RNF150: variants seen among roughly 807,000 people sequenced by gnomAD.
The protein encoded by RNF150 is ring finger protein 150.
A neutral mutation model predicts 39.3 loss-of-function variants in RNF150; 24 were observed. That is an observed-to-expected ratio of 0.61 (90% CI 0.44 to 0.86). The LOEUF (loss-of-function observed/expected upper bound fraction) is 0.86. RNF150 is among the 40% of genes least tolerant of loss of function. RNF150 has a pLI of 0.00. For synonymous variants in RNF150, 255 were observed against 227.3 expected (o/e 1.12, Z -1.10); for missense variants, 502 against 587.8 (o/e 0.85, Z 1.51).
chr4:141,140,510 AT>A, intron 1 of RNF150, among the ~76,000 whole-genome samples: 1 of 151,946 alleles, frequency 6.6e-6, no homozygotes, highest in East Asian at 1.9e-4. Flanking sequence ...TTTTCTTCTT[AT>A]TTTTTCACAT....
At chr4:141,101,790 T>C (rs1292052073) in intron 1 of RNF150, among the ~76,000 whole-genome samples, 1 of 152,104 alleles carries the variant, frequency 6.6e-6, no homozygotes, top group Non-Finnish European at 1.5e-5. Context: ...TTTATTTATT[T>C]ATTTATTTTG....
At chr4:141,091,928 G>C (rs909718687) in intron 1 of RNF150, among the ~76,000 whole-genome samples, 1 of 152,170 alleles carries the variant, frequency 6.6e-6, no homozygotes, top group African/African-American at 2.4e-5. Flanking sequence ...GTGCCAAACA[G>C]AGATACACAA....
intron 1 of RNF150, among the ~76,000 whole-genome samples, chr4:141,067,951 CTT>C (rs59761096): frequency 3.0e-4 from 43 of 145,742 alleles, no homozygotes; most frequent in Admixed American, 1.0e-3. Context: ...AGTCAAGATA[CTT>C]TTTTTTTTTT....
At chr4:140,930,093 G>A (rs778750091) in intron 4 of RNF150, among the ~76,000 whole-genome samples, 1 of 151,170 alleles carries the variant, frequency 6.6e-6, no homozygotes, top group Non-Finnish European at 1.5e-5. Context: ...CCTGGGAGGT[G>A]GAGGTTGCAG....
intron 6 of RNF150, among the ~76,000 whole-genome samples, chr4:140,900,773 A>G (rs756517529): frequency 5.3e-5 from 8 of 152,064 alleles, no homozygotes; most frequent in Non-Finnish European, 1.2e-4. Flanking sequence ...GTGGGGAGAG[A>G]AGTAACATTT....
At chr4:141,042,264 G>A (rs1423731705) in intron 1 of RNF150, among the ~76,000 whole-genome samples, 2 of 152,058 alleles carry the variant, frequency 1.3e-5, no homozygotes, top group Non-Finnish European at 1.5e-5. Context: ...TATAAAATGT[G>A]AGACTCGTTT....
At chr4:140,875,998 G>C (rs1729140846) in intron 6 of RNF150, among the ~76,000 whole-genome samples, 1 of 152,190 alleles carries the variant, frequency 6.6e-6, no homozygotes, top group Non-Finnish European at 1.5e-5. Context: ...AGTGCTCTCT[G>C]TTTTGAGAGA....
At chr4:141,086,536 C>A (rs1738372402) in intron 1 of RNF150, among the ~76,000 whole-genome samples, 1 of 151,992 alleles carries the variant, frequency 6.6e-6, no homozygotes, top group African/African-American at 2.4e-5. Context: ...GTATTGACAT[C>A]AACTTAATTA....
chr4:141,044,771 G>GCGCACACACACACACACA (rs1553940748), intron 1 of RNF150, among the ~76,000 whole-genome samples: 10 of 146,582 alleles, frequency 6.8e-5, no homozygotes, highest in Admixed American at 2.7e-4. Flanking sequence ...GGTGTGCAGC[G>GCGCACACACACACACACA]CACACACACA....
At chr4:141,027,342 G>T (rs1033824191) in intron 1 of RNF150, among the ~76,000 whole-genome samples, 4 of 152,124 alleles carry the variant, frequency 2.6e-5, no homozygotes, top group Non-Finnish European at 5.9e-5. Flanking sequence ...TATAAACAAT[G>T]ACTTTTATTT....
intron 1 of RNF150, among the ~76,000 whole-genome samples, chr4:141,064,321 C>T (rs556802106): frequency 6.6e-6 from 1 of 152,304 alleles, no homozygotes; most frequent in Admixed American, 6.5e-5. Context: ...ATGACAGGCG[C>T]TTGGAAAATC....
At chr4:141,106,666 C>T (rs1038223168) in intron 1 of RNF150, among the ~76,000 whole-genome samples, 4 of 151,934 alleles carry the variant, frequency 2.6e-5, no homozygotes, top group African/African-American at 4.8e-5. Flanking sequence ...TGGTGGTGGG[C>T]GCCTGTAGTC....
intron 1 of RNF150, among the ~76,000 whole-genome samples, chr4:141,085,384 A>AG (rs1738324111): frequency 1.3e-5 from 2 of 152,216 alleles, no homozygotes; most frequent in Non-Finnish European, 2.9e-5. Context: ...AAACCATATC[A>AG]GGGGCGTAGC....
At chr4:141,210,118 A>AT (rs1243972313) in intron 1 of RNF150, among the ~76,000 whole-genome samples, 1 of 152,134 alleles carries the variant, frequency 6.6e-6, no homozygotes, top group African/African-American at 2.4e-5. Flanking sequence ...GATGAATCAC[A>AT]TTTGTAGGTT....
intron 1 of RNF150, among the ~76,000 whole-genome samples, chr4:140,993,001 G>A (rs372071889): frequency 3.3e-5 from 5 of 152,092 alleles, no homozygotes; most frequent in African/African-American, 7.2e-5. Flanking sequence ...AGGAGAGGAC[G>A]GGAAAACAAT....
intron 1 of RNF150, among the ~76,000 whole-genome samples, chr4:141,051,009 T>C (rs1481327560): frequency 6.6e-6 from 1 of 152,084 alleles, no homozygotes; most frequent in East Asian, 1.9e-4. Context: ...TTTCCATACC[T>C]CCTCTGAAAT....
At chr4:141,127,169 T>C (rs1223667641) in intron 1 of RNF150, among the ~76,000 whole-genome samples, 1 of 152,192 alleles carries the variant, frequency 6.6e-6, no homozygotes, top group Non-Finnish European at 1.5e-5. Context: ...ACTTACTGTC[T>C]GTGTGACCAA....
At chr4:141,107,394 C>T (rs772022201) in intron 1 of RNF150, among the ~76,000 whole-genome samples, 1 of 152,096 alleles carries the variant, frequency 6.6e-6, no homozygotes, top group African/African-American at 2.4e-5. Context: ...TTTACATACA[C>T]GGAAACAGAA....
At chr4:141,088,913 C>A (rs143735965) in intron 1 of RNF150, among the ~76,000 whole-genome samples, 1 of 152,286 alleles carries the variant, frequency 6.6e-6, no homozygotes, top group Non-Finnish European at 1.5e-5. Flanking sequence ...ACAACATACT[C>A]CATAATTCTC....
Sources: allele counts gnomAD v4.1 joint callset (sites outside exome capture counted in the v4.1 genomes callset), GRCh38; gene constraint gnomAD v4.1.1; transcripts MANE v1.5; gene names NCBI Gene and HGNC (gene_info 2026-07-23, HGNC 2026-07-21).